GABRR3: variants seen among roughly 807,000 people sequenced by gnomAD.
The protein encoded by GABRR3 is gamma-aminobutyric acid type A receptor subunit rho3.
A neutral mutation model predicts 43.2 loss-of-function variants in GABRR3; 29 were observed. The ratio of observed to expected loss-of-function variants is 0.67; its 90% CI spans 0.50 to 0.92. The LOEUF (loss-of-function observed/expected upper bound fraction) is 0.92, where lower values mean the gene tolerates loss of function less well. Ranked by LOEUF, GABRR3 falls within the 40% of genes least tolerant of loss-of-function variation. GABRR3 has a pLI of 0.00. For synonymous variants in GABRR3, 206 were observed against 195.9 expected, an observed-to-expected ratio of 1.05 and a Z score of -0.43; for missense variants, 576 against 572.3, an observed-to-expected ratio of 1.01 and a Z score of -0.07.
intron 9 of GABRR3, among the ~76,000 whole-genome samples, chr3:97,991,915 C>T (rs1055224008): frequency 6.6e-6 from 1 of 152,028 alleles, no homozygotes; most frequent in African/African-American, 2.4e-5. Flanking sequence ...TAGATATTCT[C>T]TACATGGGAT....
chr3:98,029,664 GA>G (rs1160100498), intron 2 of GABRR3, among the ~76,000 whole-genome samples: 1 of 152,146 alleles, frequency 6.6e-6, no homozygotes, highest in Non-Finnish European at 1.5e-5. Flanking sequence ...CTGACACGAA[GA>G]GACTAGTTAC....
intron 9 of GABRR3, among the ~76,000 whole-genome samples, 200 bp downstream of exon 9, chr3:97,992,652 G>A (rs1706486186): frequency 6.6e-6 from 1 of 152,112 alleles, no homozygotes; most frequent in Admixed American, 6.5e-5. Flanking sequence ...TCCTGATGAA[G>A]GTGAGTGAGG....
At chr3:98,025,921 C>T (rs1319227575) in intron 2 of GABRR3, among the ~76,000 whole-genome samples, 2 of 152,152 alleles carry the variant, frequency 1.3e-5, no homozygotes. Context: ...GGATTTAATG[C>T]ACAAACTCAT....
At chr3:98,000,044 T>C (rs904170155) in intron 8 of GABRR3, 1 of 152,184 alleles carries the variant, frequency 6.6e-6, no homozygotes, top group African/African-American at 2.4e-5. Context: ...GTGAGGGTGG[T>C]AGGAAGCAAA....
intron 5 of GABRR3, among the ~76,000 whole-genome samples, chr3:98,012,132 T>C (rs536786650): frequency 1.3e-5 from 2 of 152,368 alleles, no homozygotes; most frequent in South Asian, 2.1e-4. Flanking sequence ...AATCGACATA[T>C]ACCCAGAGTG....
chr3:97,994,712 A>G (rs546842373), intron 8 of GABRR3, among the ~76,000 whole-genome samples: 2 of 152,362 alleles, frequency 1.3e-5, no homozygotes, highest in South Asian at 4.1e-4. Flanking sequence ...CCTACCACAT[A>G]TCTAGGTAAA....
At chr3:98,016,944 C>T (rs937631716) in intron 4 of GABRR3, among the ~76,000 whole-genome samples, 13 of 151,562 alleles carry the variant, frequency 8.6e-5, no homozygotes, top group African/African-American at 2.4e-4. Context: ...GATTAAGGGA[C>T]GGGAAGAAGA....
chr3:98,013,768 C>T (rs1414220133), intron 4 of GABRR3, among the ~76,000 whole-genome samples: 2 of 152,160 alleles, frequency 1.3e-5, no homozygotes, highest in African/African-American at 2.4e-5. Context: ...AGAATGGTTG[C>T]TTCATTAACA....
exon 8 of GABRR3, chr3:98,001,758 T>C: frequency 1.9e-6 from 3 of 1,613,044 alleles, no homozygotes; most frequent in Non-Finnish European, 2.5e-6. Flanking sequence ...GAAAAGCCTA[T>C]TGTACCAACC....
At position 97,993,062 on chromosome 3, in the gene GABRR3, A is replaced by G. The variant is rs1172796938; in HGVS notation, c.908-14T>C. ...CTGTGGTGATTCCTGCCATTTGAGA[A>G]TAGTGGCAAGCTCAGTGATATAGCC... On this transcript the variant is annotated splice_polypyrimidine_tract_variant and intron_variant, in intron 8 of 9. Transcript: ENST00000621172. 2 of 1,576,776 alleles carry G rather than the reference A, an allele frequency of 1.3e-6. No individual in the cohort carries two copies. The highest frequency in any genetic ancestry group is 4.5e-5 in the East Asian group (2 of 44,236).
chr3:98,004,639 T>C (rs956133886), intron 7 of GABRR3, among the ~76,000 whole-genome samples: 1 of 150,454 alleles, frequency 6.6e-6, no homozygotes, highest in African/African-American at 2.5e-5. Flanking sequence ...CAGGTCGTGG[T>C]GATTTTTGAA....
At chr3:97,986,953 A>G (rs1706395869) in exon 10 of GABRR3, 1 of 1,608,730 alleles carries the variant, frequency 6.2e-7, no homozygotes, top group Non-Finnish European at 8.5e-7. Context: ...CCATAGCTTG[A>G]ACTGCATCAA....
chr3:97,989,349 G>A (rs1261975569), intron 9 of GABRR3, among the ~76,000 whole-genome samples: 1 of 150,264 alleles, frequency 6.7e-6, no homozygotes, highest in African/African-American at 2.5e-5. Context: ...GTCAGTGGGT[G>A]AGTGGGTGGT....
intron 4 of GABRR3, among the ~76,000 whole-genome samples, chr3:98,016,536 G>C (rs183800987): frequency 2.0e-5 from 3 of 152,056 alleles, no homozygotes; most frequent in East Asian, 1.9e-4. Context: ...TTTATAAACT[G>C]CCCAGCCTCA....
chr3:98,032,273 C>T (rs368752444), intron 2 of GABRR3, among the ~76,000 whole-genome samples: 5 of 152,086 alleles, frequency 3.3e-5, no homozygotes, highest in African/African-American at 1.2e-4. Context: ...AATTTAATTG[C>T]AGGCTTATAT....
chr3:98,003,717 G>C (rs927569133), intron 7 of GABRR3, among the ~76,000 whole-genome samples: 40 of 151,928 alleles, frequency 2.6e-4, no homozygotes, highest in African/African-American at 9.0e-4. Flanking sequence ...TCTCTTTTTG[G>C]CACCTGTGAA....
chr3:98,001,879 A>G, intron 7 of GABRR3, 112 bp from the exon 8 acceptor site: 1 of 1,129,918 alleles, frequency 8.9e-7, no homozygotes, highest in Non-Finnish European at 1.3e-6. Context: ...ACGGAATTTG[A>G]CAAACTCATC....
chr3:97,986,166 T>C (rs1198283830), downstream of GABRR3, among the ~76,000 whole-genome samples: 1 of 152,168 alleles, frequency 6.6e-6, no homozygotes, highest in Non-Finnish European at 1.5e-5. Context: ...GCACCTGGCC[T>C]GAAACAATAT....
At chr3:98,033,882 A>G (rs550573746) in intron 2 of GABRR3, among the ~76,000 whole-genome samples, 2 of 152,316 alleles carry the variant, frequency 1.3e-5, no homozygotes, top group African/African-American at 4.8e-5. Flanking sequence ...TGCAGGAATC[A>G]GTAATCTAGT....
Sources: gnomAD v4.1 joint callset for allele counts (sites outside exome capture counted in the v4.1 genomes callset) on GRCh38, gnomAD v4.1.1 for gene constraint, MANE v1.5 for transcripts, NCBI Gene and HGNC (gene_info 2026-07-23, HGNC 2026-07-21) for gene names.